Variants in SPECC1L observed in about 807,000 individuals in gnomAD.
The protein encoded by SPECC1L is sperm antigen with calponin homology and coiled-coil domains 1 like, also known as cytospin-A.
Under a neutral mutation model 116.8 loss-of-function variants are expected in SPECC1L, and 40 were observed. The observed-to-expected ratio is 0.34, with a 90% confidence interval of 0.27 to 0.45. The LOEUF is 0.45. SPECC1L is among the 20% of genes least tolerant of loss of function. The pLI is 1.00. For missense variants in SPECC1L, 1,110 were observed against 1,373.6 expected (o/e 0.81, Z 3.03); for synonymous variants, 504 against 500.6 (o/e 1.01, Z -0.09).
chr22:24,414,706 CT>C lies in SPECC1L; in HGVS notation c.*84del, dbSNP rs1015396951. ...CACCGACGCCATTAGCTACGCACCC[CT>C]GTAAAGCTTCCAGCAACTCTGGGCT... is the stretch of plus-strand genomic sequence containing the variant. On this transcript the variant is annotated 3_prime_UTR_variant, in exon 17 of 17. Transcript: ENST00000314328. 131 of 1,220,742 alleles carry C rather than the reference CT, an allele frequency of 1.1e-4. No homozygotes were observed. The highest frequency in any genetic ancestry group is 1.5e-4 in the Non-Finnish European group (126 of 838,892). 75.6% of individuals were successfully genotyped at this position (1,220,742 alleles called of 1,614,324 possible).
intron 14 of SPECC1L, among the ~76,000 whole-genome samples, chr22:24,392,640 GGA>G (rs1491256007): frequency 2.6e-5 from 4 of 152,130 alleles, no homozygotes; most frequent in African/African-American, 9.7e-5. Context: ...ACATAGGGCG[GGA>G]GAGAGAGAAA....
intron 9 of SPECC1L, among the ~76,000 whole-genome samples, chr22:24,336,069 C>T (rs1474940567): frequency 6.6e-6 from 1 of 151,842 alleles, no homozygotes; most frequent in Non-Finnish European, 1.5e-5. Context: ...TAAATACCTA[C>T]TAAAAGAATT....
chr22:24,308,052 C>A lies in SPECC1L; in HGVS notation c.154-5261C>A, dbSNP rs546824111. On this transcript the variant is annotated intron_variant, in intron 3 of 16. Transcript: ENST00000314328. The stretch of plus-strand genomic sequence containing the variant: ...CACTTCCCTGTATATACCATGTATA[C>A]ACACATAGTTTTTTTGGGGGTGGGG... Among the ~76,000 whole-genome samples, 4 of 151,946 alleles carry A rather than the reference C, an allele frequency of 2.6e-5. No homozygotes were observed. In the East Asian group the frequency reaches 7.8e-4, roughly 29 times the overall value.
intron 15 of SPECC1L, chr22:24,412,147 G>A (rs1436707176): frequency 2.8e-6 from 1 of 351,496 alleles, no homozygotes; most frequent in Non-Finnish European, 5.5e-6. Flanking sequence ...TGCACTCCAG[G>A]GCATGGTTTA....
chr22:24,380,973 A>G (rs1244002631), intron 14 of SPECC1L, among the ~76,000 whole-genome samples: 1 of 152,224 alleles, frequency 6.6e-6, no homozygotes, highest in Admixed American at 6.5e-5. Flanking sequence ...AGAAGTGGTA[A>G]TCCAGTTCCC....
rs568118133 is a variant in SPECC1L at position 24,386,394 on chromosome 22, C to T, written c.3087+17074C>T. On this transcript the variant is annotated intron_variant, in intron 14 of 16. Coordinates refer to ENST00000314328, the MANE Select transcript of SPECC1L (RefSeq NM_015330.6). ...TTGGCCTGGGCAACATAGTGAGACC[C>T]CCGTCCCTACAAAAAATTAAAAAAT... Among the ~76,000 whole-genome samples, 6 of 151,924 alleles carry T rather than the reference C, an allele frequency of 3.9e-5. No homozygotes were observed. In the East Asian group the frequency reaches 1.2e-3, roughly 29 times the overall value.
intron 2 of SPECC1L, among the ~76,000 whole-genome samples, chr22:24,288,364 C>T (rs1285530193): frequency 6.6e-6 from 1 of 151,962 alleles, no homozygotes; most frequent in South Asian, 2.1e-4. Flanking sequence ...GTTGTGACAA[C>T]GAAAAATGTG....
chr22:24,315,156 G>A (rs1033305594), intron 4 of SPECC1L, among the ~76,000 whole-genome samples: 1 of 152,228 alleles, frequency 6.6e-6, no homozygotes, highest in Non-Finnish European at 1.5e-5. Context: ...CCTCTTGTGT[G>A]TATTAGACTC....
At chr22:24,412,414 G>A in intron 15 of SPECC1L, 1 of 609,732 alleles carries the variant, frequency 1.6e-6, no homozygotes, top group Non-Finnish European at 3.0e-6. Context: ...CAGGAGTGAG[G>A]AAAGAACGGG....
chr22:24,342,502 C>A (rs1219297785), intron 10 of SPECC1L, among the ~76,000 whole-genome samples: 2 of 151,922 alleles, frequency 1.3e-5, no homozygotes, highest in African/African-American at 4.8e-5. Context: ...GAAACCCCAT[C>A]TCTACTAAAA....
chr22:24,396,525 T>C (rs2042372572), intron 14 of SPECC1L, among the ~76,000 whole-genome samples: 1 of 152,154 alleles, frequency 6.6e-6, no homozygotes. Context: ...CTCGAACTCC[T>C]GACCTCAGGT....
intron 14 of SPECC1L, among the ~76,000 whole-genome samples, chr22:24,408,469 A>T (rs2042632651): frequency 6.6e-6 from 1 of 152,194 alleles, no homozygotes; most frequent in Non-Finnish European, 1.5e-5. Flanking sequence ...GGCAGAGAGG[A>T]TTCTCACCTG....
intron 10 of SPECC1L, among the ~76,000 whole-genome samples, chr22:24,345,537 TACATTTACCTA>T (rs1460585959): frequency 3.3e-5 from 5 of 152,212 alleles, no homozygotes; most frequent in African/African-American, 1.2e-4. Flanking sequence ...GTATTCATAA[TACATTTACCTA>T]ACAAAGATTT....
chr22:24,353,934 G>A (rs904518272), intron 11 of SPECC1L, among the ~76,000 whole-genome samples: 2 of 152,200 alleles, frequency 1.3e-5, no homozygotes, highest in African/African-American at 4.8e-5. Flanking sequence ...ATAAAGAAAA[G>A]AGGTTTAATT....
intron 8 of SPECC1L, among the ~76,000 whole-genome samples, chr22:24,333,271 T>C (rs1051164321): frequency 1.3e-5 from 2 of 152,146 alleles, no homozygotes; most frequent in Non-Finnish European, 2.9e-5. Flanking sequence ...CTAAATGACC[T>C]TAAGAGCCTG....
At chr22:24,317,129 G>A (rs1453019267) in intron 4 of SPECC1L, among the ~76,000 whole-genome samples, 17 of 103,292 alleles carry the variant, frequency 1.6e-4, no homozygotes, top group South Asian at 7.8e-4. Flanking sequence ...CTGGCTGGGC[G>A]GGGGGCTGAC....
chr22:24,340,338 G>GT (rs2041150941), intron 10 of SPECC1L, among the ~76,000 whole-genome samples: 1 of 151,836 alleles, frequency 6.6e-6, no homozygotes, highest in South Asian at 2.1e-4. Context: ...AGTAGAGACG[G>GT]TTTTAACCAC....
chr22:24,408,460 G>A (rs2042632555), intron 14 of SPECC1L, among the ~76,000 whole-genome samples: 2 of 152,348 alleles, frequency 1.3e-5, no homozygotes, highest in South Asian at 4.1e-4. Context: ...ACAGACTGAG[G>A]CAGAGAGGAT....
At chr22:24,388,899 T>C (rs2042214028) in intron 14 of SPECC1L, among the ~76,000 whole-genome samples, 1 of 152,158 alleles carries the variant, frequency 6.6e-6, no homozygotes, top group African/African-American at 2.4e-5. Flanking sequence ...TTTTAGTATA[T>C]GCACAGAGTT....
Sources: allele counts gnomAD v4.1 joint callset (sites outside exome capture counted in the v4.1 genomes callset), GRCh38; gene constraint gnomAD v4.1.1; transcripts MANE v1.5; gene names NCBI Gene and HGNC (gene_info 2026-07-23, HGNC 2026-07-21).